KAZN: variants seen among roughly 807,000 people sequenced by gnomAD.
The protein encoded by KAZN is kazrin.
A neutral mutation model predicts 87.4 loss-of-function variants in KAZN; 40 were observed. That is an observed-to-expected ratio of 0.46 (90% confidence interval 0.36 to 0.60). The LOEUF is 0.60. Among genes scored for constraint, KAZN ranks in the 20% least tolerant of loss-of-function variants. The probability of loss-of-function intolerance (pLI) is 0.00; values close to 1 mark genes in which losing one functional copy is unlikely to be tolerated. For synonymous variants in KAZN, 466 were observed against 458.3 expected (o/e 1.02, Z -0.22); for missense variants, 898 against 1,073.9 (o/e 0.84, Z 2.29).
At chr1:15,039,281 C>T (rs1672664965) in intron 3 of KAZN, among the ~76,000 whole-genome samples, 1 of 152,142 alleles carries the variant, frequency 6.6e-6, no homozygotes, top group Non-Finnish European at 1.5e-5. Flanking sequence ...AGGCCGAGGG[C>T]CACACGATTA....
chr1:14,288,186 G>T (rs372862167), intron 2 of KAZN, among the ~76,000 whole-genome samples: 1 of 152,102 alleles, frequency 6.6e-6, no homozygotes, highest in Non-Finnish European at 1.5e-5. Flanking sequence ...GGATGATGCT[G>T]GCCTCATAAA....
chr1:14,669,477 C>T (rs887355271), intron 1 of KAZN, among the ~76,000 whole-genome samples: 4 of 152,204 alleles, frequency 2.6e-5, no homozygotes, highest in African/African-American at 9.6e-5. Context: ...GGCGCGGTGG[C>T]TCACACCTCT....
At chr1:13,970,845 G>A (rs1642112030) in intron 1 of KAZN, among the ~76,000 whole-genome samples, 1 of 152,094 alleles carries the variant, frequency 6.6e-6, no homozygotes, top group Admixed American at 6.5e-5. Flanking sequence ...GCTCTTTCAT[G>A]GAGTTGTGGA....
At chr1:14,859,285 C>G (rs1007374199) in intron 1 of KAZN, among the ~76,000 whole-genome samples, 5 of 152,056 alleles carry the variant, frequency 3.3e-5, no homozygotes, top group African/African-American at 1.2e-4. Context: ...TTTCAGGTAC[C>G]TAGTCTATTT....
Position 14,381,116 on chromosome 1 carries a change from G to A in KAZN, c.249+200524G>A, listed in dbSNP as rs757627644. Among the ~76,000 whole-genome samples the A allele has an allele frequency of 5.9e-5, 9 of 152,188 alleles. 1 individual carries two copies. The Middle Eastern group carries it at 0.014, about 230-fold the overall frequency. On this transcript the variant is annotated intron_variant, in intron 2 of 16. Coordinates refer to the KAZN transcript ENST00000636203. The stretch of plus-strand genomic sequence containing the variant: ...TGCCAAGCCACCACTGGAGCACCCA[G>A]GTATGTATGTGTGTATATATAGACA...
At chr1:14,903,769 G>A (rs767835151) in intron 1 of KAZN, among the ~76,000 whole-genome samples, 1 of 152,126 alleles carries the variant, frequency 6.6e-6, no homozygotes, top group Non-Finnish European at 1.5e-5. Flanking sequence ...TTAAAGTCGC[G>A]ATCCCATTAA....
intron 2 of KAZN, among the ~76,000 whole-genome samples, chr1:14,591,367 C>T (rs1285672117): frequency 6.6e-6 from 1 of 151,462 alleles, no homozygotes; most frequent in Non-Finnish European, 1.5e-5. Context: ...GAGTCGAGAA[C>T]CCAGGCCAGC....
chr1:14,406,079 T>C (rs1269706068), intron 2 of KAZN, among the ~76,000 whole-genome samples: 1 of 152,150 alleles, frequency 6.6e-6, no homozygotes, highest in Non-Finnish European at 1.5e-5. Context: ...ATTGTACATT[T>C]TGAAATAACA....
intron 2 of KAZN, among the ~76,000 whole-genome samples, chr1:14,514,407 A>ATT (rs1476552166): frequency 1.9e-4 from 2 of 10,362 alleles, no homozygotes; most frequent in African/African-American, 6.1e-4. Context: ...TTATATATAT[A>ATT]ATATATAAAT....
intron 2 of KAZN, among the ~76,000 whole-genome samples, chr1:14,419,483 C>A (rs547904869): frequency 6.6e-6 from 1 of 152,320 alleles, no homozygotes; most frequent in East Asian, 1.9e-4. Context: ...TCGCCTCTTC[C>A]CTGGACTTAC....
intron 1 of KAZN, among the ~76,000 whole-genome samples, chr1:14,909,625 C>A (rs1657015895): frequency 6.6e-6 from 1 of 152,210 alleles, no homozygotes; most frequent in South Asian, 2.1e-4. Flanking sequence ...CTGCAGTGCA[C>A]CCCAGAGTGC....
chr1:13,985,257 C>T (rs541689032), intron 1 of KAZN, among the ~76,000 whole-genome samples: 1 of 151,648 alleles, frequency 6.6e-6, no homozygotes, highest in African/African-American at 2.4e-5. Context: ...GCACAATGTG[C>T]AGGTTAGTTA....
intron 1 of KAZN, among the ~76,000 whole-genome samples, chr1:14,664,297 G>A (rs756324012): frequency 2.0e-5 from 3 of 152,150 alleles, no homozygotes; most frequent in Non-Finnish European, 2.9e-5. Context: ...GCTGGGCATG[G>A]TGGTGGACAC....
chr1:15,002,955 G>A (rs915510837), intron 2 of KAZN, among the ~76,000 whole-genome samples: 10 of 151,682 alleles, frequency 6.6e-5, no homozygotes, highest in South Asian at 4.2e-4. Flanking sequence ...CAGCCTGGGC[G>A]ACACAGCAAG....
intron 2 of KAZN, among the ~76,000 whole-genome samples, chr1:14,420,447 G>A (rs1303695789): frequency 6.6e-6 from 1 of 152,210 alleles, no homozygotes; most frequent in Non-Finnish European, 1.5e-5. Context: ...CCCCACCGGA[G>A]CCACGGGGGG....
chr1:14,848,826 AG>A (rs1225410657), intron 1 of KAZN, among the ~76,000 whole-genome samples: 2 of 152,228 alleles, frequency 1.3e-5, no homozygotes, highest in Non-Finnish European at 2.9e-5. Flanking sequence ...GGCTGCACCA[AG>A]GCGGAGTTGG....
chr1:14,735,485 G>A lies in KAZN; in HGVS notation c.226+136262G>A, dbSNP rs1269641465. 6.6e-6 allele frequency among the ~76,000 whole-genome samples: 1 copy of A among 152,084 alleles called. No homozygotes were observed. The highest frequency in any genetic ancestry group is 2.1e-4 in the South Asian group (1 of 4,818). ...ACCTTGGGTGTTTAGGCTGGACCCCGAAACCACCCCCATACACAAAGCCTG... is the reference window on the plus strand; with the variant it reads ...ACCTTGGGTGTTTAGGCTGGACCCCAAAACCACCCCCATACACAAAGCCTG... On this transcript the variant is annotated intron_variant, in intron 1 of 14. Coordinates refer to ENST00000376030, the MANE Select transcript of KAZN (RefSeq NM_201628.3). The surrounding 1 kb of genome is among the most constrained non-coding windows in gnomAD (Gnocchi z 4.3).
rs925734645 is a variant in KAZN, at chr1:14,071,548, C to A, written c.92-108887C>A. The stretch of plus-strand genomic sequence containing the variant: ...TATATTTGTGTAGAGAGGATACCCT[C>A]CTGCTTCTGCATGGAACTCAGCATC... On this transcript the variant is annotated intron_variant, in intron 1 of 16. Coordinates refer to the KAZN transcript ENST00000636203. Among the ~76,000 whole-genome samples, 4 of 151,274 alleles carry A rather than the reference C, an allele frequency of 2.6e-5. No individual in the cohort carries two copies. The South Asian group carries it at 6.2e-4, about 24-fold the overall frequency.
chr1:15,106,543 A>G (rs1238008575), intron 13 of KAZN, among the ~76,000 whole-genome samples: 4 of 152,096 alleles, frequency 2.6e-5, no homozygotes, highest in Non-Finnish European at 4.4e-5. Context: ...AGCACCAGAG[A>G]AGGGACTGGT....
Sources: allele counts gnomAD v4.1 joint callset (sites outside exome capture counted in the v4.1 genomes callset), GRCh38; gene constraint gnomAD v4.1.1; non-coding constraint Gnocchi (gnomAD v3.1); transcripts MANE v1.5; gene names NCBI Gene and HGNC (gene_info 2026-07-23, HGNC 2026-07-21).